The following DPP6 variants were observed in gnomAD, a reference collection of about 807,000 sequenced individuals.
The protein encoded by DPP6 is dipeptidyl peptidase like 6.
In DPP6, 69 loss-of-function variants were observed where a neutral mutation model predicts 122.6. The ratio of observed to expected loss-of-function variants is 0.56; its 90% CI spans 0.46 to 0.69. DPP6 has a LOEUF of 0.69. Ranked by LOEUF, DPP6 falls within the 30% of genes least tolerant of loss-of-function variation. The pLI is 0.00. For synonymous variants in DPP6, 418 were observed against 433.1 expected, an observed-to-expected ratio of 0.97 and a Z score of 0.43; for missense variants, 928 against 1,116.9, an observed-to-expected ratio of 0.83 and a Z score of 2.41.
intron 1 of DPP6, among the ~76,000 whole-genome samples, chr7:154,357,943 T>C (rs1811408502): frequency 7.1e-6 from 1 of 140,252 alleles, no homozygotes; most frequent in African/African-American, 3.0e-5. Flanking sequence ...TGAAACTTCG[T>C]CTCAAAAAAA....
At chr7:154,034,291 T>C (rs1799407352) in intron 1 of DPP6, among the ~76,000 whole-genome samples, 1 of 152,218 alleles carries the variant, frequency 6.6e-6, no homozygotes, top group African/African-American at 2.4e-5. Flanking sequence ...GAAGCTCAAA[T>C]GTTCAGTTGT....
At position 154,759,226 on chromosome 7, in the gene DPP6, G is replaced by A. The variant is rs77439180; in HGVS notation, c.884-10191G>A. 0.01 allele frequency among the ~76,000 whole-genome samples: 1,560 copies of A among 152,276 alleles called. 54 individuals carry two copies. In the East Asian group the frequency reaches 0.12, roughly 12 times the overall value. ...CAGACTCTCCAGAAGTGTGCACTCC[G>A]GCTCACTGCTTCCCCAGTCTTCACA... On this transcript the variant is annotated intron_variant, in intron 8 of 25. Coordinates refer to ENST00000377770, the MANE Select transcript of DPP6 (RefSeq NM_130797.4).
intron 5 of DPP6, among the ~76,000 whole-genome samples, chr7:154,591,052 A>G (rs1261004981): frequency 6.6e-6 from 1 of 152,104 alleles, no homozygotes; most frequent in Non-Finnish European, 1.5e-5. Flanking sequence ...AGCAAAATCA[A>G]CCTGTGATGA....
intron 16 of DPP6, 24 bp from the exon 17 acceptor site, chr7:154,853,756 C>A: frequency 2.5e-6 from 4 of 1,607,350 alleles, no homozygotes; most frequent in Non-Finnish European, 3.4e-6. Context: ...TGTTTTCTTC[C>A]TGGCTATTCT....
chr7:154,340,711 G>A (rs1333414038), intron 1 of DPP6, among the ~76,000 whole-genome samples: 1 of 152,156 alleles, frequency 6.6e-6, no homozygotes, highest in Non-Finnish European at 1.5e-5. Flanking sequence ...TGAATAGGTG[G>A]CAATTATTGC....
chr7:154,814,465 A>G lies in DPP6; in HGVS notation c.1666+7353A>G, dbSNP rs549450300. The stretch of plus-strand genomic sequence containing the variant: ...ATTCACCCGCAGACCAACGCCTGTG[A>G]CAGGAACTCAGTCTTCAGCTGTCTT... On this transcript the variant is annotated intron_variant, in intron 16 of 25. Coordinates refer to ENST00000377770, the MANE Select transcript of DPP6 (RefSeq NM_130797.4). 7.9e-4 allele frequency among the ~76,000 whole-genome samples: 120 copies of G among 152,266 alleles called. 1 individual carries two copies. Among genetic ancestry groups the G allele is most frequent in the African/African-American group, 2.7e-3 (113 of 41,550 alleles).
intron 3 of DPP6, among the ~76,000 whole-genome samples, chr7:154,500,393 G>A (rs549963742): frequency 6.6e-6 from 1 of 152,192 alleles, no homozygotes; most frequent in South Asian, 2.1e-4. Flanking sequence ...GGAATAGTGA[G>A]AGATAAAGCT....
intron 1 of DPP6, among the ~76,000 whole-genome samples, chr7:154,335,395 A>G (rs78843272): frequency 6.7e-4 from 102 of 152,340 alleles, no homozygotes; most frequent in African/African-American, 2.4e-3. Flanking sequence ...TACCTAACAA[A>G]TATTGATATT....
the DPP6 span, among the ~76,000 whole-genome samples, chr7:153,783,266 T>C: frequency 6.6e-6 from 1 of 152,190 alleles, no homozygotes; most frequent in Non-Finnish European, 1.5e-5. Context: ...TCCACATGGC[T>C]GGGGAGGTCC....
Position 154,465,184 on chromosome 7 carries a change from G to T in DPP6, c.359-9755G>T, listed in dbSNP as rs145304418. Among the ~76,000 whole-genome samples, 337 of 152,252 alleles carry T rather than the reference G, an allele frequency of 2.2e-3. 3 individuals are homozygous for T. The highest frequency in any genetic ancestry group is 7.7e-3 in the African/African-American group (321 of 41,528). ...GCCTACTGTAAGTAAGTTTAGAAAG[G>T]TTACAGAATGCAAGGTCTATTTACA... On this transcript the variant is annotated intron_variant, in intron 2 of 25. Coordinates refer to ENST00000377770, the MANE Select transcript of DPP6 (RefSeq NM_130797.4).
At chr7:154,670,449 C>G (rs955292025) in intron 7 of DPP6, among the ~76,000 whole-genome samples, 5 of 152,350 alleles carry the variant, frequency 3.3e-5, no homozygotes, top group African/African-American at 1.2e-4. Context: ...GGCAGCAGCC[C>G]AGCCATGTAG....
chr7:154,186,327 T>C (rs1289280140), intron 1 of DPP6, among the ~76,000 whole-genome samples: 3 of 152,252 alleles, frequency 2.0e-5, no homozygotes, highest in Non-Finnish European at 4.4e-5. Context: ...TCAGTTGTGA[T>C]GGATCAGAGT....
chr7:153,884,294 AATG>A (rs1348525298), upstream of DPP6, among the ~76,000 whole-genome samples: 106 of 152,272 alleles, frequency 7.0e-4, no homozygotes, highest in African/African-American at 2.4e-3. Context: ...GTTTGCTGAG[AATG>A]ATGGTTTCCA....
At chr7:154,305,727 G>A (rs149586168) in intron 1 of DPP6, among the ~76,000 whole-genome samples, 5 of 152,250 alleles carry the variant, frequency 3.3e-5, no homozygotes, top group African/African-American at 7.2e-5. Flanking sequence ...GGGAGGAGAC[G>A]TAGAGTGCTG....
At chr7:154,632,386 A>G (rs1338760158) in intron 5 of DPP6, among the ~76,000 whole-genome samples, 2 of 152,218 alleles carry the variant, frequency 1.3e-5, no homozygotes, top group African/African-American at 4.8e-5. Context: ...AGAAAGACTT[A>G]GAAAGTTACT....
intron 1 of DPP6, among the ~76,000 whole-genome samples, chr7:154,240,503 C>T (rs1232125858): frequency 1.3e-5 from 2 of 152,138 alleles, no homozygotes; most frequent in African/African-American, 2.4e-5. Flanking sequence ...CATCCCATGC[C>T]TCAGCCAAGG....
chr7:154,265,625 C>G (rs528632365), intron 1 of DPP6, among the ~76,000 whole-genome samples: 1 of 152,186 alleles, frequency 6.6e-6, no homozygotes, highest in Non-Finnish European at 1.5e-5. Flanking sequence ...TCAAAAAAAT[C>G]CTTAAATGAT....
At chr7:154,640,250 C>CAA (rs1835987069) in intron 6 of DPP6, among the ~76,000 whole-genome samples, 1 of 150,472 alleles carries the variant, frequency 6.6e-6, no homozygotes, top group East Asian at 2.0e-4. Context: ...GAGACTCTGT[C>CAA]AAACAAAAAC....
At chr7:154,015,353 C>T (rs1348499527) in intron 1 of DPP6, among the ~76,000 whole-genome samples, 3 of 152,094 alleles carry the variant, frequency 2.0e-5, no homozygotes, top group Admixed American at 6.5e-5. Context: ...GCATTGTATT[C>T]CTGGATGAGC....
Sources: allele counts gnomAD v4.1 joint callset (sites outside exome capture counted in the v4.1 genomes callset), GRCh38; gene constraint gnomAD v4.1.1; transcripts MANE v1.5; gene names NCBI Gene and HGNC (gene_info 2026-07-23, HGNC 2026-07-21).